Variants in TBC1D1 observed in about 807,000 individuals in gnomAD.
TBC1D1 encodes TBC1 (tre-2/USP6, BUB2, cdc16) domain family, member 1.
TBC1D1 carries 89 observed loss-of-function variants against 125.6 expected under a neutral mutation model. The observed-to-expected ratio is 0.71, with a 90% CI of 0.60 to 0.85. TBC1D1 has a LOEUF of 0.85. Among genes scored for constraint, TBC1D1 ranks in the 40% least tolerant of loss-of-function variants. The probability of loss-of-function intolerance (pLI) is 0.00; values close to 1 mark genes in which losing one functional copy is unlikely to be tolerated. For synonymous variants in TBC1D1, 565 were observed against 564.1 expected (o/e 1.00, Z -0.02); for missense variants, 1,377 against 1,469.2 (o/e 0.94, Z 1.03).
intron 12 of TBC1D1, among the ~76,000 whole-genome samples, chr4:38,075,846 C>T (rs1274495897): frequency 6.6e-6 from 1 of 152,184 alleles, no homozygotes; most frequent in Non-Finnish European, 1.5e-5. Flanking sequence ...TTCTTGATGC[C>T]TTTGACAGTC....
chr4:38,035,545 T>G (rs1195748599), intron 7 of TBC1D1, 43 bp from the exon 8 acceptor site: 1 of 1,521,442 alleles, frequency 6.6e-7, no homozygotes, highest in Non-Finnish European at 9.1e-7. Flanking sequence ...GCAATATTGT[T>G]GACGATTAAA....
intron 2 of TBC1D1, among the ~76,000 whole-genome samples, chr4:37,963,296 G>T (rs766001466): frequency 6.6e-6 from 1 of 152,138 alleles, no homozygotes; most frequent in Non-Finnish European, 1.5e-5. Flanking sequence ...CATCTGCTCA[G>T]CTTCTGGGGA....
intron 2 of TBC1D1, among the ~76,000 whole-genome samples, chr4:37,949,868 G>A (rs1045126760): frequency 2.6e-5 from 4 of 152,038 alleles, no homozygotes; most frequent in African/African-American, 9.7e-5. Context: ...GTGTGGGTTG[G>A]ATTTGACCTG....
At chr4:37,986,176 C>T (rs62298550) in intron 2 of TBC1D1, among the ~76,000 whole-genome samples, 14,539 of 152,144 alleles carry the variant, frequency 0.096, 823 homozygotes, top group Middle Eastern at 0.2. Context: ...AATGTAATTA[C>T]GGTGTAACCA....
chr4:37,926,117 CAT>C (rs1454271733), intron 2 of TBC1D1, among the ~76,000 whole-genome samples: 2 of 152,214 alleles, frequency 1.3e-5, no homozygotes, highest in Non-Finnish European at 2.9e-5. Flanking sequence ...TTGGAAGGAA[CAT>C]GTGTACTTTG....
chr4:38,036,563 GC>G (rs1169073843), intron 8 of TBC1D1, among the ~76,000 whole-genome samples: 1 of 152,164 alleles, frequency 6.6e-6, no homozygotes, highest in Non-Finnish European at 1.5e-5. Context: ...ACACTTGTGT[GC>G]TCAGTGGTGT....
chr4:38,020,572 C>T lies in TBC1D1; in HGVS notation c.973-19C>T, dbSNP rs372666341. 16 of 1,605,072 alleles carry T rather than the reference C, an allele frequency of 1.0e-5. No individual in the cohort carries two copies. Among genetic ancestry groups the T allele is most frequent in the African/African-American group, 2.7e-5 (2 of 74,728 alleles). On this transcript the variant is annotated intron_variant, in intron 4 of 19. Coordinates refer to ENST00000261439, the MANE Select transcript of TBC1D1 (RefSeq NM_015173.4). ...GTCTTCTGGATACAACTGAACATCT[C>T]GTTCTCTCCCTTTGGCAGGGCATCA...
intron 6 of TBC1D1, among the ~76,000 whole-genome samples, chr4:38,026,222 G>C (rs547322169): frequency 6.6e-6 from 1 of 152,314 alleles, no homozygotes; most frequent in African/African-American, 2.4e-5. Context: ...TTAAAAAAAA[G>C]GGAAAAAGAA....
chr4:38,130,715 C>T (rs1254444207), intron 18 of TBC1D1, among the ~76,000 whole-genome samples: 1 of 152,214 alleles, frequency 6.6e-6, no homozygotes, highest in Non-Finnish European at 1.5e-5. Context: ...TGCACTTGTC[C>T]AGCCTCAGGA....
At chr4:38,050,039 G>A in intron 11 of TBC1D1, 141 bp downstream of exon 11, 1 of 977,998 alleles carries the variant, frequency 1.0e-6, no homozygotes, top group Admixed American at 2.8e-5. Flanking sequence ...TGGAAGCAGT[G>A]ACATGTTCGT....
intron 2 of TBC1D1, among the ~76,000 whole-genome samples, chr4:38,004,719 A>G (rs922630426): frequency 6.6e-6 from 1 of 152,244 alleles, no homozygotes; most frequent in African/African-American, 2.4e-5. Flanking sequence ...ACACAACAGA[A>G]AAGCCAGATT....
chr4:38,063,637 TTTA>T (rs1753158353), intron 12 of TBC1D1, among the ~76,000 whole-genome samples: 1 of 151,800 alleles, frequency 6.6e-6, no homozygotes, highest in African/African-American at 2.4e-5. Flanking sequence ...TTTTTTATTT[TTTA>T]TTTTTTGAGA....
intron 15 of TBC1D1, among the ~76,000 whole-genome samples, chr4:38,111,433 A>G (rs895970040): frequency 1.3e-5 from 2 of 152,226 alleles, no homozygotes; most frequent in African/African-American, 4.8e-5. Context: ...TGAGATTAGT[A>G]TTTATTTGAT....
At chr4:37,966,776 C>A (rs2381132) in intron 2 of TBC1D1, among the ~76,000 whole-genome samples, 3 of 152,062 alleles carry the variant, frequency 2.0e-5, no homozygotes, top group East Asian at 3.9e-4. Context: ...CCCCTACCCC[C>A]CAACAGGCCC....
intron 4 of TBC1D1, 86 bp from the exon 5 acceptor site, chr4:38,020,505 T>G: frequency 9.7e-7 from 1 of 1,030,956 alleles, no homozygotes; most frequent in Non-Finnish European, 1.5e-6. Flanking sequence ...GTAAAATAAA[T>G]TGTGCTGTAT....
At chr4:38,044,044 A>G (rs1748933992) in intron 8 of TBC1D1, among the ~76,000 whole-genome samples, 1 of 152,272 alleles carries the variant, frequency 6.6e-6, no homozygotes, top group Admixed American at 6.5e-5. Context: ...GAGGCTCAGA[A>G]AAGTAAGAAA....
intron 2 of TBC1D1, chr4:37,952,381 G>C (rs891507317): frequency 1.1e-5 from 4 of 374,526 alleles, no homozygotes; most frequent in African/African-American, 8.2e-5. Context: ...GTCAATCCAA[G>C]TGTCCATCAA....
intron 12 of TBC1D1, among the ~76,000 whole-genome samples, chr4:38,072,952 CT>C (rs928091140): frequency 2.5e-4 from 38 of 152,150 alleles, no homozygotes; most frequent in African/African-American, 2.9e-4. Context: ...GGATTTCTCT[CT>C]TTTTTTTCCG....
intron 4 of TBC1D1, among the ~76,000 whole-genome samples, chr4:38,020,075 T>C (rs1743676503): frequency 7.5e-6 from 1 of 133,876 alleles, no homozygotes; most frequent in South Asian, 2.3e-4. Flanking sequence ...ATTTTTCTTA[T>C]TGTTGTGGGA....
Sources: allele counts gnomAD v4.1 joint callset (sites outside exome capture counted in the v4.1 genomes callset), GRCh38; gene constraint gnomAD v4.1.1; transcripts MANE v1.5; gene names NCBI Gene and HGNC (gene_info 2026-07-23, HGNC 2026-07-21).